The following PDZRN4 variants were observed in gnomAD, a reference collection of about 807,000 sequenced individuals.
The protein encoded by PDZRN4 is PDZ domain containing ring finger 4.
In PDZRN4, 70 loss-of-function variants were observed where a neutral mutation model predicts 99.0. The ratio of observed to expected loss-of-function variants is 0.71; its 90% CI spans 0.58 to 0.86. The LOEUF is 0.86. Ranked by LOEUF, PDZRN4 falls within the 40% of genes least tolerant of loss-of-function variation. The pLI is 0.00. For synonymous variants in PDZRN4, 551 were observed against 501.6 expected, an observed-to-expected ratio of 1.10 and a Z score of -1.32; for missense variants, 1,474 against 1,331.2, an observed-to-expected ratio of 1.11 and a Z score of -1.67.
chr12:41,267,031 C>G (rs191648536), intron 3 of PDZRN4, among the ~76,000 whole-genome samples: 47 of 152,278 alleles, frequency 3.1e-4, no homozygotes, highest in Non-Finnish European at 1.0e-4. Flanking sequence ...ATTCTTTGCT[C>G]ATGAAACTCT....
intron 3 of PDZRN4, among the ~76,000 whole-genome samples, chr12:41,466,960 C>T (rs1016742340): frequency 6.6e-6 from 1 of 152,160 alleles, no homozygotes; most frequent in Non-Finnish European, 1.5e-5. Flanking sequence ...GATAAGGATA[C>T]CTTTGACAGT....
At chr12:41,473,779 G>C (rs539614670) in intron 3 of PDZRN4, among the ~76,000 whole-genome samples, 9 of 152,270 alleles carry the variant, frequency 5.9e-5, no homozygotes, top group African/African-American at 2.2e-4. Flanking sequence ...GCTGTCCCCA[G>C]TGCCCCTCCT....
chr12:41,191,648 A>T lies in PDZRN4; in HGVS notation c.735+104A>T, dbSNP rs1002991199. On this transcript the variant is annotated intron_variant, in intron 2 of 9. Coordinates refer to ENST00000402685, the MANE Select transcript of PDZRN4 (RefSeq NM_001164595.2). ...TAGAGGACTTAGCTTTTGTTTGTGGATTTTGAGTAAGAAAAACAAGTGGTT... is the reference window on the plus strand; with the variant it reads ...TAGAGGACTTAGCTTTTGTTTGTGGTTTTTGAGTAAGAAAAACAAGTGGTT... 5.4e-6 allele frequency: 3 copies of T among 557,266 alleles called. No homozygotes were observed. The African/African-American group carries it at 5.8e-5, about 11-fold the overall frequency. The allele number at this position is 557,266 out of a possible 1,614,324, so 34.5% of individuals were successfully genotyped here. A position where few individuals can be genotyped will look rare whatever the true frequency, so the allele number is the denominator to read the frequency against.
At position 41,377,002 on chromosome 12, in the gene PDZRN4, T is replaced by C. The variant is rs535565597; in HGVS notation, c.844-129454T>C. Among the ~76,000 whole-genome samples, 4 of 152,322 alleles carry C rather than the reference T, an allele frequency of 2.6e-5. No homozygotes were observed. In the South Asian group the frequency reaches 8.3e-4, roughly 32 times the overall value. ...AAGAGACTCTCCTTTCCCCATTGTG[T>C]ATTCTTGGCACTTTTATCAAATACT... On this transcript the variant is annotated intron_variant, in intron 3 of 9. Coordinates refer to ENST00000402685, the MANE Select transcript of PDZRN4 (RefSeq NM_001164595.2).
chr12:41,382,603 C>T (rs1306662073), intron 3 of PDZRN4, among the ~76,000 whole-genome samples: 2 of 152,156 alleles, frequency 1.3e-5, no homozygotes, highest in Non-Finnish European at 2.9e-5. Flanking sequence ...AGTTACTTGG[C>T]AAAGTTTACA....
intron 3 of PDZRN4, among the ~76,000 whole-genome samples, chr12:41,356,115 A>G (rs999333004): frequency 2.1e-4 from 32 of 152,162 alleles, no homozygotes; most frequent in African/African-American, 7.7e-4. Flanking sequence ...TCAATGATCT[A>G]TGTAGGACCA....
chr12:41,283,229 T>G (rs189345333), intron 3 of PDZRN4, among the ~76,000 whole-genome samples: 41 of 152,250 alleles, frequency 2.7e-4, no homozygotes, highest in African/African-American at 9.4e-4. Flanking sequence ...GAGAATATTA[T>G]AACACTTCTG....
intron 3 of PDZRN4, among the ~76,000 whole-genome samples, chr12:41,378,035 G>C (rs891062299): frequency 6.6e-6 from 1 of 152,158 alleles, no homozygotes; most frequent in Non-Finnish European, 1.5e-5. Flanking sequence ...CAAGTGATGA[G>C]AGTGGGAATG....
chr12:41,375,647 C>T (rs529864751), intron 3 of PDZRN4, among the ~76,000 whole-genome samples: 10 of 152,140 alleles, frequency 6.6e-5, no homozygotes, highest in African/African-American at 2.4e-4. Flanking sequence ...ATAAAGTATA[C>T]AATATAATGG....
At chr12:41,206,605 A>T (rs1324304214) in intron 3 of PDZRN4, among the ~76,000 whole-genome samples, 1 of 151,632 alleles carries the variant, frequency 6.6e-6, no homozygotes, top group Non-Finnish European at 1.5e-5. Flanking sequence ...TGCCTTCAAC[A>T]CCCAGTGGCA....
intron 3 of PDZRN4, among the ~76,000 whole-genome samples, chr12:41,291,040 AT>A (rs760381165): frequency 6.6e-5 from 10 of 152,250 alleles, no homozygotes; most frequent in Non-Finnish European, 1.0e-4. Context: ...TTAAAAAAAA[AT>A]GCTACAATTA....
chr12:41,472,045 C>T (rs1244847068), intron 3 of PDZRN4, among the ~76,000 whole-genome samples: 6 of 151,362 alleles, frequency 4.0e-5, no homozygotes, highest in East Asian at 1.9e-4. Context: ...TCTTCTTGCC[C>T]AGGCTGGAGT....
chr12:41,533,463 G>A (rs1248390162), intron 5 of PDZRN4, among the ~76,000 whole-genome samples: 1 of 152,178 alleles, frequency 6.6e-6, no homozygotes, highest in Non-Finnish European at 1.5e-5. Context: ...GTGAGCCACT[G>A]AGCCCAGCCT....
chr12:41,571,372 TCTCTCACACACACACA>T (rs1191178859), intron 9 of PDZRN4, among the ~76,000 whole-genome samples: 4 of 103,650 alleles, frequency 3.9e-5, no homozygotes, highest in African/African-American at 2.2e-4. Context: ...TCTCTCTCTC[TCTCTCACACACACACA>T]CACACACACA....
chr12:41,413,811 C>T (rs1041616205), intron 3 of PDZRN4, among the ~76,000 whole-genome samples: 6 of 152,004 alleles, frequency 3.9e-5, no homozygotes, highest in Non-Finnish European at 8.8e-5. Flanking sequence ...AGACCGTTTA[C>T]ATTCAAGGTT....
At chr12:41,417,692 G>C (rs1433914367) in intron 3 of PDZRN4, among the ~76,000 whole-genome samples, 1 of 152,166 alleles carries the variant, frequency 6.6e-6, no homozygotes, top group African/African-American at 2.4e-5. Flanking sequence ...GAAGAGAAAA[G>C]CTCACAGAAC....
chr12:41,555,775 A>G lies in PDZRN4; in HGVS notation c.1365+15A>G. 6.2e-7 allele frequency: 1 copy of G among 1,602,104 alleles called. No homozygotes were observed. The highest frequency in any genetic ancestry group is 8.6e-7 in the Non-Finnish European group (1 of 1,169,202). ...GGATTTTGCAAGTAGGTGGTATAGT[A>G]ATTTCCTTTAGTTCCCCACGATCTG... On this transcript the variant is annotated intron_variant, in intron 7 of 9. Coordinates refer to ENST00000402685, the MANE Select transcript of PDZRN4 (RefSeq NM_001164595.2).
At chr12:41,281,461 G>C (rs1362384503) in intron 3 of PDZRN4, among the ~76,000 whole-genome samples, 1 of 152,106 alleles carries the variant, frequency 6.6e-6, no homozygotes, top group African/African-American at 2.4e-5. Context: ...AGGAAGCTAA[G>C]AACCTTGATA....
intron 3 of PDZRN4, among the ~76,000 whole-genome samples, chr12:41,264,932 C>T (rs1951266528): frequency 6.6e-6 from 1 of 151,940 alleles, no homozygotes. Context: ...ACACTGGGTA[C>T]TCCAAAAGTG....
Sources: allele counts gnomAD v4.1 joint callset (sites outside exome capture counted in the v4.1 genomes callset), GRCh38; gene constraint gnomAD v4.1.1; transcripts MANE v1.5; gene names NCBI Gene and HGNC (gene_info 2026-07-23, HGNC 2026-07-21).